The following USP8 variants were observed in gnomAD, a reference collection of about 807,000 sequenced individuals.
USP8 encodes ubiquitin specific peptidase 8.
USP8 carries 27 observed loss-of-function variants against 130.0 expected under a neutral mutation model. The ratio of observed to expected loss-of-function variants is 0.21; its 90% CI spans 0.15 to 0.29. USP8 has a LOEUF of 0.29. USP8 is among the 10% of genes least tolerant of loss of function. USP8 has a pLI of 1.00. For missense variants in USP8, 1,029 were observed against 1,312.2 expected, an observed-to-expected ratio of 0.78 and a Z score of 3.33; for synonymous variants, 392 against 444.1, an observed-to-expected ratio of 0.88 and a Z score of 1.48.
chr15:50,425,912 A>T (rs1422885635), intron 1 of USP8, among the ~76,000 whole-genome samples: 1 of 152,154 alleles, frequency 6.6e-6, no homozygotes, highest in Non-Finnish European at 1.5e-5. Context: ...CACTGAGGTC[A>T]GGAGTTCGAG....
intron 3 of USP8, among the ~76,000 whole-genome samples, chr15:50,446,838 T>A (rs2050458858): frequency 6.6e-6 from 1 of 152,170 alleles, no homozygotes; most frequent in Non-Finnish European, 1.5e-5. Context: ...CTATCATGGC[T>A]CCCTAAAGCC....
chr15:50,436,716 G>A lies in USP8; in HGVS notation c.-65-2293G>A, dbSNP rs571239776. ...GAGACAGTCTTGTTCTGTCACCCAG[G>A]CTGGAGTGCAGGGTGTGATCTCAGC... is the stretch of plus-strand genomic sequence containing the variant. On this transcript the variant is annotated intron_variant, in intron 1 of 19. Transcript: ENST00000307179. Among the ~76,000 whole-genome samples the A allele has an allele frequency of 3.9e-5, 6 of 152,092 alleles. No homozygotes were observed. In the South Asian group the frequency reaches 1.0e-3, roughly 26 times the overall value.
At chr15:50,440,395 T>A (rs2050218103) in intron 2 of USP8, among the ~76,000 whole-genome samples, 1 of 152,212 alleles carries the variant, frequency 6.6e-6, no homozygotes, top group South Asian at 2.1e-4. Context: ...TAGTGGAACC[T>A]AAATAATGAA....
chr15:50,442,146 G>T lies in USP8; in HGVS notation c.249+653G>T, dbSNP rs573720506. On this transcript the variant is annotated intron_variant, in intron 3 of 19. Coordinates refer to ENST00000307179, the MANE Select transcript of USP8 (RefSeq NM_005154.5). ...TGTGCCACCAAGCCTGGCTAATTTT[G>T]TATTTTTGGTAGAGATGGGGTTTCT... Among the ~76,000 whole-genome samples the T allele has an allele frequency of 2.4e-4, 37 of 151,826 alleles. 1 individual carries two copies. Among genetic ancestry groups the T allele is most frequent in the African/African-American group, 8.0e-4 (33 of 41,422 alleles).
intron 2 of USP8, among the ~76,000 whole-genome samples, chr15:50,440,379 C>A (rs939865337): frequency 6.6e-5 from 10 of 152,234 alleles, no homozygotes; most frequent in African/African-American, 2.4e-4. Flanking sequence ...TGTATCAGTT[C>A]TGAAGTAGTG....
chr15:50,460,922 C>T (rs1338448754), intron 5 of USP8, among the ~76,000 whole-genome samples: 1 of 151,812 alleles, frequency 6.6e-6, no homozygotes, highest in Admixed American at 6.6e-5. Flanking sequence ...TTTGGGAGGC[C>T]AAGGTGGGCA....
chr15:50,442,914 A>C (rs887743526), intron 3 of USP8, among the ~76,000 whole-genome samples: 5 of 152,224 alleles, frequency 3.3e-5, no homozygotes, highest in African/African-American at 4.8e-5. Context: ...CACCTGGTAG[A>C]GAAGCCACCC....
chr15:50,497,206 C>T lies in USP8; in HGVS notation c.3013C>T (p.Pro1005Ser). Residue 1005 changes from proline (P) to serine (S), a missense_variant, in exon 18 of 20, where the codon CCT (proline) becomes TCT (serine). Physicochemically the swap from Pro to Ser is moderately conservative, Grantham distance 74. Transcript: ENST00000307179. ...LKKIEIWKLP[P>S]VLLVHLKRFS... ...AAAGATAGAAATCTGGAAGTTACCA[C>T]CTGTGCTTTTAGTGCATCTGAAACG... 1.9e-6 allele frequency: 3 copies of T among 1,609,290 alleles called. No individual in the cohort carries two copies. The highest frequency in any genetic ancestry group is 1.1e-5 in the South Asian group (1 of 90,070).
chr15:50,437,003 ATG>A (rs1491029911), intron 1 of USP8, among the ~76,000 whole-genome samples: 1 of 145,540 alleles, frequency 6.9e-6, no homozygotes, highest in Non-Finnish European at 1.5e-5. Context: ...TTAAATCAAT[ATG>A]TTTTTTTAAA....
intron 6 of USP8, among the ~76,000 whole-genome samples, 170 bp from the exon 7 acceptor site, chr15:50,464,877 A>C (rs928063032): frequency 1.8e-4 from 28 of 152,322 alleles, no homozygotes; most frequent in African/African-American, 6.0e-4. Context: ...AGTTGTATTT[A>C]ATGTTAGTTT....
chr15:50,444,406 GT>G lies in USP8; in HGVS notation c.249+2925del, dbSNP rs138892128. On this transcript the variant is annotated intron_variant, in intron 3 of 19. Coordinates refer to ENST00000307179, the MANE Select transcript of USP8 (RefSeq NM_005154.5). Reference sequence around the variant, plus strand: ...AGGCATGAGCCACCATGCCCAACCAGTTTTTTTTTTTTAATGGTCTTGTTTA... The same window carrying G: ...AGGCATGAGCCACCATGCCCAACCAGTTTTTTTTTTTAATGGTCTTGTTTA... Among the ~76,000 whole-genome samples the G allele has an allele frequency of 7.5e-3, 1,085 of 144,880 alleles. 13 individuals are homozygous for G. The highest frequency in any genetic ancestry group is 0.026 in the African/African-American group (1,014 of 39,526).
At chr15:50,439,782 C>T (rs2050191897) in intron 2 of USP8, among the ~76,000 whole-genome samples, 1 of 133,588 alleles carries the variant, frequency 7.5e-6, no homozygotes. Flanking sequence ...AAGAGCGAAA[C>T]TCTGTCTCAA....
Position 50,490,437 on chromosome 15 carries a change from T to C in USP8, c.2146T>C (p.Ser716Pro). ...TAGGGAACCTTCCAAACTGAAGCGCTCCTACTCCTCCCCAGATATAACCCA... is the reference window on the plus strand; with the variant it reads ...TAGGGAACCTTCCAAACTGAAGCGCCCCTACTCCTCCCCAGATATAACCCA... ...RDREPSKLKR[S>P]YSSPDITQAI... Residue 716 changes from serine (S) to proline (P), a missense_variant, in exon 14 of 20, where the codon TCC (serine) becomes CCC (proline). This residue lies in a region of USP8 where 486 missense variants were observed against 522.0 expected (regional missense o/e 0.93). Coordinates refer to ENST00000307179, the MANE Select transcript of USP8 (RefSeq NM_005154.5). 2 of 1,614,102 alleles carry C rather than the reference T, an allele frequency of 1.2e-6. No individual in the cohort carries two copies. Among genetic ancestry groups the C allele is most frequent in the Non-Finnish European group, 1.7e-6 (2 of 1,180,012 alleles).
chr15:50,457,199 C>T (rs1280617062), intron 4 of USP8, among the ~76,000 whole-genome samples: 1 of 152,040 alleles, frequency 6.6e-6, no homozygotes, highest in East Asian at 1.9e-4. Flanking sequence ...GAATAGTCAC[C>T]ATTTCTATTG....
intron 4 of USP8, among the ~76,000 whole-genome samples, chr15:50,450,462 C>CTTTTTTTTTTTTTTTTTTTTTTTT (rs35800074): frequency 7.5e-5 from 6 of 80,456 alleles, no homozygotes; most frequent in East Asian, 7.7e-4. Flanking sequence ...GTTAGTCATT[C>CTTTTTTTTTTTTTTTTTTTTTTTT]TTTTTTTTTT....
At chr15:50,451,476 T>C (rs1327821264) in intron 4 of USP8, among the ~76,000 whole-genome samples, 1 of 152,178 alleles carries the variant, frequency 6.6e-6, no homozygotes, top group East Asian at 1.9e-4. Context: ...TATTTAGATA[T>C]TTACTTCTTA....
chr15:50,493,812 A>G (rs960665814), intron 15 of USP8: 5 of 614,456 alleles, frequency 8.1e-6, no homozygotes, highest in African/African-American at 7.3e-5. Context: ...GCCAGAAGGC[A>G]GAACCTCGCT....
chr15:50,431,320 A>T (rs1363167603), intron 1 of USP8, among the ~76,000 whole-genome samples: 2 of 151,960 alleles, frequency 1.3e-5, no homozygotes, highest in East Asian at 3.9e-4. Flanking sequence ...ATCTCCTTTC[A>T]ATCTTACTTA....
At chr15:50,485,829 G>GTATA (rs2051943685) in intron 12 of USP8, among the ~76,000 whole-genome samples, 1 of 151,772 alleles carries the variant, frequency 6.6e-6, no homozygotes, top group African/African-American at 2.4e-5. Flanking sequence ...ATATAAAATG[G>GTATA]TATAGTGTTT....
Sources: allele counts gnomAD v4.1 joint callset (sites outside exome capture counted in the v4.1 genomes callset), GRCh38; gene constraint gnomAD v4.1.1; regional missense constraint gnomAD v4.1.1; transcripts MANE v1.5; gene names NCBI Gene and HGNC (gene_info 2026-07-23, HGNC 2026-07-21).